PCDHGB3: variants seen among roughly 807,000 people sequenced by gnomAD.
The protein encoded by PCDHGB3 is protocadherin gamma-B3.
Under a neutral mutation model 59.2 loss-of-function variants are expected in PCDHGB3, and 40 were observed. The observed-to-expected ratio is 0.68, with a 90% CI of 0.52 to 0.88. The LOEUF (loss-of-function observed/expected upper bound fraction) is 0.88, where lower values mean the gene tolerates loss of function less well. Ranked by LOEUF, PCDHGB3 falls within the 40% of genes least tolerant of loss-of-function variation. The probability of loss-of-function intolerance (pLI) is 0.00; values close to 1 mark genes in which losing one functional copy is unlikely to be tolerated. For synonymous variants in PCDHGB3, 581 were observed against 503.6 expected, an observed-to-expected ratio of 1.15 and a Z score of -2.06; for missense variants, 1,309 against 1,187.9, an observed-to-expected ratio of 1.10 and a Z score of -1.50.
chr5:141,423,174 C>T (rs1203454000), intron 1 of PCDHGB3: 1 of 1,613,484 alleles, frequency 6.2e-7, no homozygotes, highest in South Asian at 1.1e-5. Flanking sequence ...CCGTCCAGGA[C>T]CACGGCCAGC....
Position 141,477,198 on chromosome 5 carries a change from TACCCGAGGATG to T in PCDHGB3, c.2416-17608_2416-17598del. 6.2e-7 allele frequency: 1 copy of T among 1,614,194 alleles called. No homozygotes were observed. The highest frequency in any genetic ancestry group is 2.2e-5 in the East Asian group (1 of 44,874). On this transcript the variant is annotated intron_variant, in intron 1 of 3. Transcript: ENST00000576222. The surrounding 1 kb of genome is among the most constrained non-coding windows in gnomAD (Gnocchi z 4.9). ...ACAGTCACCTCCGTGTACAGCCCAG[TACCCGAGGATG>T]CCCCTCTGGGGACTGTCATCGCTTT...
At chr5:141,418,441 A>G (rs2096258419) in intron 1 of PCDHGB3, 3 of 1,614,000 alleles carry the variant, frequency 1.9e-6, no homozygotes, top group South Asian at 1.1e-5. Flanking sequence ...ATCCAGAATT[A>G]GTATTGCAGA....
rs774140980 is a variant in PCDHGB3, at chr5:141,420,167, T to G, written c.2415+47358T>G. On this transcript the variant is annotated intron_variant, in intron 1 of 3. Transcript: ENST00000576222. ...GAATCCAGAATTTAATTTTTTCACA[T>G]CTGTTGATCATTGTCCAGCCACACA... 3 of 1,614,082 alleles carry G rather than the reference T, an allele frequency of 1.9e-6. No homozygotes were observed. The South Asian group carries it at 3.3e-5, about 18-fold the overall frequency.
At chr5:141,383,989 A>G in intron 1 of PCDHGB3, 1 of 1,613,876 alleles carries the variant, frequency 6.2e-7, no homozygotes, top group Non-Finnish European at 8.5e-7. Context: ...ACCTCTTGGG[A>G]CAGTCATTGC....
chr5:141,384,903 C>T (rs1780641689), intron 1 of PCDHGB3: 1 of 1,613,992 alleles, frequency 6.2e-7, no homozygotes. Context: ...CTGACAGCAT[C>T]CCCGAAGTCT....
intron 1 of PCDHGB3, among the ~76,000 whole-genome samples, chr5:141,465,263 T>C (rs538393085): frequency 1.3e-5 from 2 of 152,326 alleles, no homozygotes; most frequent in African/African-American, 4.8e-5. Flanking sequence ...GCAATGATAC[T>C]AGCCATTTAG....
chr5:141,403,136 C>T, intron 1 of PCDHGB3: 1 of 1,614,006 alleles, frequency 6.2e-7, no homozygotes, highest in South Asian at 1.1e-5. Flanking sequence ...GCTGGCGGAG[C>T]GCCGAGTCCG....
In PCDHGB3 at chr5:141,432,704, C is replaced by T; in HGVS notation, c.2415+59895C>T. ...GAGCCTCGTAGTGGCCGTCCAGGAC[C>T]ACGGCCAGCCCCCTCTCTCCGCCAC... is the stretch of plus-strand genomic sequence containing the variant. On this transcript the variant is annotated intron_variant, in intron 1 of 3. Coordinates refer to ENST00000576222, the MANE Select transcript of PCDHGB3 (RefSeq NM_018924.5). The surrounding 1 kb of genome is among the most constrained non-coding windows in gnomAD (Gnocchi z 6.0). The T allele has an allele frequency of 6.2e-7, 1 of 1,613,966 alleles. No homozygotes were observed. The highest frequency in any genetic ancestry group is 8.5e-7 in the Non-Finnish European group (1 of 1,179,976).
chr5:141,391,523 A>T (rs2092383458), intron 1 of PCDHGB3: 1 of 152,140 alleles, frequency 6.6e-6, no homozygotes, highest in Non-Finnish European at 1.5e-5. Context: ...CACTAATTTA[A>T]CTGGTATGGT....
intron 1 of PCDHGB3, chr5:141,423,165 C>T (rs1307049367): frequency 6.8e-6 from 11 of 1,613,434 alleles, no homozygotes; most frequent in Admixed American, 3.3e-5. Context: ...TCGTGGTGGC[C>T]GTCCAGGACC....
intron 3 of PCDHGB3, 149 bp downstream of exon 3, chr5:141,505,630 A>T: frequency 6.8e-7 from 1 of 1,480,262 alleles, no homozygotes; most frequent in East Asian, 2.4e-5. Flanking sequence ...AATTCCAAAC[A>T]TAAAGCCTGG....
intron 1 of PCDHGB3, chr5:141,409,515 T>C (rs1273041163): frequency 5.0e-6 from 8 of 1,613,844 alleles, no homozygotes; most frequent in Non-Finnish European, 6.8e-6. Context: ...AGTAGAAGCA[T>C]CACCTTGTAT....
intron 1 of PCDHGB3, among the ~76,000 whole-genome samples, chr5:141,446,128 G>A (rs1242643475): frequency 3.3e-5 from 5 of 152,188 alleles, no homozygotes; most frequent in Non-Finnish European, 7.3e-5. Flanking sequence ...GGTTCAATAA[G>A]ACTTAATAAT....
intron 1 of PCDHGB3, among the ~76,000 whole-genome samples, chr5:141,471,996 G>A (rs2099268647): frequency 6.6e-6 from 1 of 152,006 alleles, no homozygotes; most frequent in Admixed American, 6.6e-5. Context: ...AAAAATCCCT[G>A]CATCGTATAG....
At chr5:141,375,477 A>G (rs757005832) in intron 1 of PCDHGB3, 132 of 1,613,680 alleles carry the variant, frequency 8.2e-5, no homozygotes, top group Non-Finnish European at 1.1e-4. Context: ...CTTGAAAACA[A>G]CCCCAGGGGT....
intron 1 of PCDHGB3, among the ~76,000 whole-genome samples, chr5:141,401,114 CG>C (rs566829189): frequency 5.5e-4 from 84 of 152,224 alleles, no homozygotes; most frequent in African/African-American, 2.0e-3. Context: ...GAGGCCGAGG[CG>C]GTTGGATCAC....
At position 141,372,627 on chromosome 5, in the gene PCDHGB3, G is replaced by A. The variant is rs2150009906; in HGVS notation, c.2233G>A (p.Glu745Lys). The A allele has an allele frequency of 3.1e-6, 5 of 1,613,974 alleles. No homozygotes were observed. Among genetic ancestry groups the A allele is most frequent in the Admixed American group, 1.7e-5 (1 of 60,026 alleles). The stretch of plus-strand genomic sequence containing the variant: ...ACCTGGAGTTCTCCCCACCTACAGC[G>A]AAAGGACTTTGCCTTATTCCTACAA... ...TVPGVLPTYS[E>K]RTLPYSYNPC... Residue 745 changes from glutamate (E) to lysine (K), a missense_variant, in exon 1 of 4, where the codon GAA becomes AAA. Physicochemically the swap from Glu to Lys is moderately conservative, Grantham distance 56. Coordinates refer to ENST00000576222, the MANE Select transcript of PCDHGB3 (RefSeq NM_018924.5).
intron 1 of PCDHGB3, among the ~76,000 whole-genome samples, chr5:141,464,715 T>C (rs1013508667): frequency 2.0e-5 from 3 of 152,090 alleles, no homozygotes; most frequent in Admixed American, 2.0e-4. Flanking sequence ...AAATAGTTTT[T>C]CATATGTTTA....
intron 1 of PCDHGB3, chr5:141,419,265 C>G: frequency 6.2e-7 from 1 of 1,614,040 alleles, no homozygotes; most frequent in Non-Finnish European, 8.5e-7. Context: ...CAGCCGGGTG[C>G]CTCCATAGCG....
Sources: allele counts gnomAD v4.1 joint callset (sites outside exome capture counted in the v4.1 genomes callset), GRCh38; gene constraint gnomAD v4.1.1; non-coding constraint Gnocchi (gnomAD v3.1); transcripts MANE v1.5; gene names NCBI Gene and HGNC (gene_info 2026-07-23, HGNC 2026-07-21).